Variants in INTS9 observed in about 807,000 individuals in gnomAD.
INTS9 encodes the protein integrator complex subunit 9, also known as protein related to CPSF subunits of 74 kDa.
INTS9 carries 55 observed loss-of-function variants against 79.7 expected under a neutral mutation model. The observed-to-expected ratio is 0.69, with a 90% CI of 0.56 to 0.86. The LOEUF (loss-of-function observed/expected upper bound fraction) is 0.86. Ranked by LOEUF, INTS9 falls within the 40% of genes least tolerant of loss-of-function variation. The pLI is 0.00. For synonymous variants in INTS9, 319 were observed against 325.2 expected (o/e 0.98, Z 0.20); for missense variants, 721 against 831.5 (o/e 0.87, Z 1.64).
At chr8:28,856,580 G>A (rs1278173506) in intron 2 of INTS9, among the ~76,000 whole-genome samples, 29 of 152,070 alleles carry the variant, frequency 1.9e-4, no homozygotes, top group Admixed American at 1.9e-3. Context: ...ACACCACCAT[G>A]CCTAGCTAAT....
intron 1 of INTS9, among the ~76,000 whole-genome samples, chr8:28,884,141 A>G (rs1189044018): frequency 8.5e-6 from 1 of 117,500 alleles, no homozygotes; most frequent in African/African-American, 3.3e-5. Flanking sequence ...TTCAACTACT[A>G]CTACCAAAAG....
At chr8:28,888,595 C>T (rs1810311943) in intron 1 of INTS9, among the ~76,000 whole-genome samples, 1 of 152,184 alleles carries the variant, frequency 6.6e-6, no homozygotes, top group Non-Finnish European at 1.5e-5. Context: ...CTATCTTCTT[C>T]TTAGGTTGCA....
At chr8:28,844,508 C>A (rs568623837) in intron 4 of INTS9, among the ~76,000 whole-genome samples, 1 of 151,932 alleles carries the variant, frequency 6.6e-6, no homozygotes, top group African/African-American at 2.4e-5. Context: ...CCACTGCACT[C>A]CAGCCTGTGA....
At chr8:28,877,733 T>C (rs1437080896) in intron 1 of INTS9, among the ~76,000 whole-genome samples, 1 of 152,204 alleles carries the variant, frequency 6.6e-6, no homozygotes, top group Non-Finnish European at 1.5e-5. Context: ...ACAGTATGAA[T>C]GTATTTTTGA....
In INTS9 at chr8:28,889,931, G is replaced by C. The variant is rs761655069; in HGVS notation, c.-49C>G. ...GCAGTCACTGAACTCCTCAAACCCA[G>C]GAAGCGTCTTCCGGTGCAATCTCCG... On this transcript the variant is annotated 5_prime_UTR_variant, in exon 1 of 17. Transcript: ENST00000521022. 1.9e-6 allele frequency: 3 copies of C among 1,548,644 alleles called. No individual in the cohort carries two copies. The South Asian group carries it at 3.4e-5, about 17-fold the overall frequency.
intron 11 of INTS9, among the ~76,000 whole-genome samples, chr8:28,787,418 T>C (rs1414498709): frequency 6.6e-6 from 1 of 152,196 alleles, no homozygotes; most frequent in African/African-American, 2.4e-5. Context: ...AGGCTATGAA[T>C]TGCATGAACA....
intron 15 of INTS9, 96 bp from the exon 16 acceptor site, chr8:28,770,122 C>G (rs781471142): frequency 1.4e-6 from 2 of 1,464,182 alleles, no homozygotes; most frequent in Non-Finnish European, 1.8e-6. Flanking sequence ...CCTGTCCTCA[C>G]AGGCCACAGA....
chr8:28,802,948 A>G (rs1274676137), intron 8 of INTS9, among the ~76,000 whole-genome samples: 1 of 142,900 alleles, frequency 7.0e-6, no homozygotes, highest in African/African-American at 2.7e-5. Flanking sequence ...CGTTTCTACA[A>G]AAAAAAAAAA....
At chr8:28,791,800 A>G (rs892707600) in intron 10 of INTS9, among the ~76,000 whole-genome samples, 9 of 152,226 alleles carry the variant, frequency 5.9e-5, no homozygotes, top group Non-Finnish European at 1.2e-4. Flanking sequence ...ATCGATGGAA[A>G]CAAGAATAAT....
At chr8:28,834,651 C>T (rs2131172070) in intron 6 of INTS9, among the ~76,000 whole-genome samples, 1 of 151,968 alleles carries the variant, frequency 6.6e-6, no homozygotes, top group South Asian at 2.1e-4. Context: ...TTTCTGAGTG[C>T]CTACAGCACT....
chr8:28,771,250 A>C (rs1231054434), intron 14 of INTS9, 170 bp from the exon 15 acceptor site: 2 of 670,320 alleles, frequency 3.0e-6, no homozygotes, highest in African/African-American at 3.6e-5. Flanking sequence ...TGACACACCA[A>C]GTGCAGCCTT....
chr8:28,865,597 G>A (rs1480088481), intron 1 of INTS9, among the ~76,000 whole-genome samples: 11 of 151,834 alleles, frequency 7.2e-5, no homozygotes, highest in Admixed American at 6.6e-5. Flanking sequence ...TACAAGCAAC[G>A]TAGCCTCAAA....
chr8:28,771,773 TC>T (rs1370765768), intron 14 of INTS9, among the ~76,000 whole-genome samples: 1 of 152,130 alleles, frequency 6.6e-6, no homozygotes. Flanking sequence ...AGGCCCCTCC[TC>T]CCTGCACAAG....
At chr8:28,860,108 G>A (rs1808373138) in intron 1 of INTS9, among the ~76,000 whole-genome samples, 1 of 152,228 alleles carries the variant, frequency 6.6e-6, no homozygotes, top group Non-Finnish European at 1.5e-5. Context: ...TGACTTCCCT[G>A]ATGTGCAGAC....
intron 11 of INTS9, 93 bp downstream of exon 11, chr8:28,787,736 G>A: frequency 2.4e-6 from 2 of 843,028 alleles, no homozygotes; most frequent in Non-Finnish European, 3.9e-6. Flanking sequence ...GGTTTACACA[G>A]CAATCTATTT....
intron 6 of INTS9, among the ~76,000 whole-genome samples, chr8:28,827,643 G>T (rs573530624): frequency 1.3e-5 from 2 of 152,114 alleles, no homozygotes; most frequent in African/African-American, 4.8e-5. Context: ...AATGAAGTAT[G>T]TTTCAATATT....
At chr8:28,778,017 G>A (rs1290217989) in intron 12 of INTS9, 64 bp from the exon 13 acceptor site, 2 of 1,497,460 alleles carry the variant, frequency 1.3e-6, no homozygotes, top group East Asian at 5.0e-5. Context: ...AAGCCAGACA[G>A]CAACTGGGGC....
Position 28,881,007 on chromosome 8 carries a change from A to G in INTS9, c.9+8867T>C, listed in dbSNP as rs190071256. 3.2e-3 allele frequency among the ~76,000 whole-genome samples: 455 copies of G among 143,800 alleles called. 1 individual carries two copies. Among genetic ancestry groups the G allele is most frequent in the African/African-American group, 0.012 (440 of 38,206 alleles). 94.3% of individuals were successfully genotyped at this position (143,800 alleles called of 152,430 possible). On this transcript the variant is annotated intron_variant, in intron 1 of 16. Transcript: ENST00000521022. The stretch of plus-strand genomic sequence containing the variant: ...GCCGCTCCGTCTGAAAAGTGAGGAA[A>G]CCCTCTGCCTGGCAACCGCCCCGTC...
chr8:28,768,080 AGGTGGCTTGTGAG>A lies in INTS9; in HGVS notation c.*53_*65del. 1 of 1,444,286 alleles carries A rather than the reference AGGTGGCTTGTGAG, an allele frequency of 6.9e-7. No individual in the cohort carries two copies. Among genetic ancestry groups the A allele is most frequent in the Non-Finnish European group, 9.7e-7 (1 of 1,030,644 alleles). The allele number at this position is 1,444,286 out of a possible 1,614,324, so 89.5% of individuals were successfully genotyped here. A position where few individuals can be genotyped will look rare whatever the true frequency, so the allele number is the denominator to read the frequency against. On this transcript the variant is annotated 3_prime_UTR_variant, in exon 17 of 17. Transcript: ENST00000521022. ...TTAATGGCCTCTCATGCCACTCCTC[AGGTGGCTTGTGAG>A]GGCAGCCAGTGAGGGACTGCAGGAT...
Sources: gnomAD v4.1 joint callset for allele counts (sites outside exome capture counted in the v4.1 genomes callset) on GRCh38, gnomAD v4.1.1 for gene constraint, MANE v1.5 for transcripts, NCBI Gene and HGNC (gene_info 2026-07-23, HGNC 2026-07-21) for gene names.